The following STARD13 variants were observed in gnomAD, a reference collection of about 807,000 sequenced individuals.
STARD13 encodes the protein StAR related lipid transfer domain containing 13, also known as stAR-related lipid transfer protein 13.
In STARD13, 62 loss-of-function variants were observed where a neutral mutation model predicts 106.4. The observed-to-expected ratio is 0.58, with a 90% confidence interval of 0.48 to 0.72. STARD13 has a LOEUF of 0.72. STARD13 is among the 30% of genes least tolerant of loss of function. The pLI is 0.00. For missense variants in STARD13, 1,387 were observed against 1,424.0 expected (o/e 0.97, Z 0.42); for synonymous variants, 565 against 553.0 (o/e 1.02, Z -0.31).
chr13:33,528,229 T>TATATATATACAC, the STARD13 span, among the ~76,000 whole-genome samples: 2 of 130,928 alleles, frequency 1.5e-5, no homozygotes, highest in Admixed American at 7.6e-5. Flanking sequence ...TGTGTGTGTA[T>TATATATATACAC]ATATATATAT....
chr13:33,431,376 G>A, the STARD13 span, among the ~76,000 whole-genome samples: 2 of 151,718 alleles, frequency 1.3e-5, no homozygotes, highest in African/African-American at 2.4e-5. Context: ...AGAGATACTG[G>A]GCTAAATAAA....
intron 7 of STARD13, among the ~76,000 whole-genome samples, chr13:33,120,266 T>C (rs987508479): frequency 8.5e-5 from 13 of 152,268 alleles, no homozygotes; most frequent in Non-Finnish European, 1.6e-4. Flanking sequence ...GTTCCTCTTT[T>C]GTCCACCGTG....
the STARD13 span, among the ~76,000 whole-genome samples, chr13:33,633,006 G>C: frequency 6.6e-6 from 1 of 152,022 alleles, no homozygotes; most frequent in African/African-American, 2.4e-5. Context: ...AGACCAGGCT[G>C]TTATTTTTTA....
At chr13:33,370,894 T>G in the STARD13 span, among the ~76,000 whole-genome samples, 1 of 152,120 alleles carries the variant, frequency 6.6e-6, no homozygotes, top group East Asian at 1.9e-4. Context: ...GTGCTGAGAT[T>G]ACAGGTGTGA....
the STARD13 span, among the ~76,000 whole-genome samples, chr13:33,418,948 C>T: frequency 6.6e-6 from 1 of 152,160 alleles, no homozygotes; most frequent in African/African-American, 2.4e-5. Context: ...CATAGCAAAA[C>T]CCCACCTGTA....
chr13:33,380,029 A>G, the STARD13 span, among the ~76,000 whole-genome samples: 1 of 152,256 alleles, frequency 6.6e-6, no homozygotes, highest in Non-Finnish European at 1.5e-5. Context: ...AAATAAATGC[A>G]TGCAAGACAG....
At chr13:33,351,694 T>G (rs1179598500), upstream of STARD13, among the ~76,000 whole-genome samples, 1 of 152,220 alleles carries the variant, frequency 6.6e-6, no homozygotes, top group African/African-American at 2.4e-5. Context: ...TCTGCAAAAT[T>G]GCTTGAATCT....
the STARD13 span, among the ~76,000 whole-genome samples, chr13:33,643,159 G>GCACACACA: frequency 0.041 from 5,769 of 139,706 alleles, 146 homozygotes; most frequent in Middle Eastern, 0.066. Flanking sequence ...CATAGAACAT[G>GCACACACA]CACACACACA....
Position 33,300,286 on chromosome 13 carries a change from T to C in STARD13, c.124+50004A>G, listed in dbSNP as rs141983818. ...TAGTGCTCTCCTTCCCATCACTTCATCCTGCAGGTTTTGACCAAAAATATG... is the reference window on the plus strand; with the variant it reads ...TAGTGCTCTCCTTCCCATCACTTCACCCTGCAGGTTTTGACCAAAAATATG... On this transcript the variant is annotated intron_variant, in intron 1 of 5. Coordinates refer to the STARD13 transcript ENST00000567873. 6.9e-3 allele frequency among the ~76,000 whole-genome samples: 1,054 copies of C among 152,312 alleles called. 8 individuals are homozygous for C. Among genetic ancestry groups the C allele is most frequent in the African/African-American group, 0.023 (945 of 41,564 alleles).
At chr13:33,358,339 C>T in the STARD13 span, among the ~76,000 whole-genome samples, 14 of 152,342 alleles carry the variant, frequency 9.2e-5, no homozygotes, top group South Asian at 2.1e-4. Context: ...CCAGTCCCAT[C>T]GACCACCCAA....
the STARD13 span, among the ~76,000 whole-genome samples, chr13:33,658,664 C>T: frequency 3.9e-5 from 6 of 152,252 alleles, no homozygotes; most frequent in East Asian, 1.9e-4. Context: ...ATTTGGTCTT[C>T]GTCCTCCTTT....
intron 1 of STARD13, among the ~76,000 whole-genome samples, chr13:33,326,882 G>C (rs533275457): frequency 6.6e-6 from 1 of 152,290 alleles, no homozygotes; most frequent in South Asian, 2.1e-4. Context: ...CAAAAACCAT[G>C]CTGTTCTTCC....
At chr13:33,316,871 G>C (rs1893361410) in intron 1 of STARD13, among the ~76,000 whole-genome samples, 1 of 152,162 alleles carries the variant, frequency 6.6e-6, no homozygotes, top group Non-Finnish European at 1.5e-5. Context: ...AAGGGTGCCA[G>C]TGACATCTGT....
intron 1 of STARD13, among the ~76,000 whole-genome samples, chr13:33,295,801 G>A (rs982661913): frequency 3.9e-5 from 6 of 152,140 alleles, no homozygotes; most frequent in African/African-American, 1.4e-4. Context: ...GCATACCTGG[G>A]CGAGAAGGCT....
At chr13:33,232,301 A>C (rs1452656846) in intron 1 of STARD13, among the ~76,000 whole-genome samples, 2 of 152,238 alleles carry the variant, frequency 1.3e-5, no homozygotes, top group African/African-American at 4.8e-5. Flanking sequence ...TGACAGAGCA[A>C]GACTCTGTCT....
At chr13:33,315,877 C>T (rs943849084) in intron 1 of STARD13, among the ~76,000 whole-genome samples, 2 of 152,014 alleles carry the variant, frequency 1.3e-5, no homozygotes, top group African/African-American at 2.4e-5. Context: ...TATCTGATTG[C>T]TATCCAAGAA....
At chr13:33,674,526 G>A in the STARD13 span, among the ~76,000 whole-genome samples, 1 of 152,178 alleles carries the variant, frequency 6.6e-6, no homozygotes, top group Non-Finnish European at 1.5e-5. Context: ...CAATGAAGAG[G>A]AATAATCTTA....
At chr13:33,441,616 A>G in the STARD13 span, among the ~76,000 whole-genome samples, 1 of 152,202 alleles carries the variant, frequency 6.6e-6, no homozygotes, top group South Asian at 2.1e-4. Flanking sequence ...GATTATTGTG[A>G]AGGAAATTCG....
the STARD13 span, among the ~76,000 whole-genome samples, chr13:33,523,213 T>C: frequency 6.6e-6 from 1 of 152,106 alleles, no homozygotes; most frequent in Non-Finnish European, 1.5e-5. Context: ...ATTTATTCCC[T>C]GAGCCTCTTC....
Sources: gnomAD v4.1 joint callset for allele counts (sites outside exome capture counted in the v4.1 genomes callset) on GRCh38, gnomAD v4.1.1 for gene constraint, MANE v1.5 for transcripts, NCBI Gene and HGNC (gene_info 2026-07-23, HGNC 2026-07-21) for gene names.